SYT14: variants seen among roughly 807,000 people sequenced by gnomAD.
The protein encoded by SYT14 is synaptotagmin 14.
In SYT14, 32 loss-of-function variants were observed where a neutral mutation model predicts 74.2. That is an observed-to-expected ratio of 0.43 (90% CI 0.33 to 0.58). The LOEUF (loss-of-function observed/expected upper bound fraction) is 0.58, where lower values mean the gene tolerates loss of function less well. SYT14 is among the 20% of genes least tolerant of loss of function. SYT14 has a pLI of 0.05. For missense variants in SYT14, 791 were observed against 981.8 expected, an observed-to-expected ratio of 0.81 and a Z score of 2.60; for synonymous variants, 298 against 337.7, an observed-to-expected ratio of 0.88 and a Z score of 1.29.
At chr1:210,112,284 G>A (rs1572324326) in intron 7 of SYT14, among the ~76,000 whole-genome samples, 1 of 151,182 alleles carries the variant, frequency 6.6e-6, no homozygotes, top group African/African-American at 2.5e-5. Flanking sequence ...AAGGGAGGGG[G>A]CCTGAACAAT....
intron 5 of SYT14, among the ~76,000 whole-genome samples, chr1:210,079,499 C>G (rs2081579765): frequency 6.6e-6 from 1 of 152,108 alleles, no homozygotes; most frequent in South Asian, 2.1e-4. Context: ...TTTTTGCCAT[C>G]ACTCCAAAAA....
chr1:210,037,060 C>A (rs2103012170), intron 5 of SYT14, among the ~76,000 whole-genome samples: 1 of 151,864 alleles, frequency 6.6e-6, no homozygotes, highest in Admixed American at 6.6e-5. Flanking sequence ...TGGTCCTGGG[C>A]TTTTTTGTTG....
At chr1:210,100,535 T>A in intron 7 of SYT14, 74 bp downstream of exon 6, 1 of 1,453,344 alleles carries the variant, frequency 6.9e-7, no homozygotes, top group Non-Finnish European at 9.6e-7. Flanking sequence ...TAAAAATCTT[T>A]AATCAAGCCA....
At chr1:210,063,208 A>G (rs930592193) in intron 5 of SYT14, among the ~76,000 whole-genome samples, 1 of 150,990 alleles carries the variant, frequency 6.6e-6, no homozygotes, top group African/African-American at 2.4e-5. Context: ...CATCTTTTTT[A>G]CCTGTAAATC....
exon 10 of SYT14, chr1:210,161,690 A>T (rs1309073812): frequency 2.2e-6 from 1 of 453,638 alleles, no homozygotes; most frequent in Non-Finnish European, 4.4e-6. Flanking sequence ...TTATTTTTTT[A>T]AAAGTTCATT....
exon 6 of SYT14, chr1:210,094,569 C>T: frequency 6.8e-6 from 11 of 1,613,920 alleles, no homozygotes; most frequent in Non-Finnish European, 9.3e-6. Context: ...TTCCAAGTGA[C>T]AGCACTGCAG....
At chr1:210,095,230 G>A (rs1480572240) in intron 6 of SYT14, among the ~76,000 whole-genome samples, 1 of 152,140 alleles carries the variant, frequency 6.6e-6, no homozygotes, top group Admixed American at 6.6e-5. Flanking sequence ...ACTATATAAA[G>A]ACAATCTAGA....
chr1:210,044,041 A>G (rs913174896), intron 5 of SYT14, among the ~76,000 whole-genome samples: 1 of 152,148 alleles, frequency 6.6e-6, no homozygotes, highest in Admixed American at 6.5e-5. Context: ...TTTAGGAACT[A>G]TCTTTTAATT....
intron 2 of SYT14, among the ~76,000 whole-genome samples, chr1:210,000,226 A>C (rs1214155641): frequency 1.3e-5 from 2 of 152,146 alleles, no homozygotes; most frequent in East Asian, 3.8e-4. Flanking sequence ...ATTAGTCCAG[A>C]CAATTGAATC....
At chr1:210,009,811 T>G (rs888768724) in intron 2 of SYT14, among the ~76,000 whole-genome samples, 5 of 152,184 alleles carry the variant, frequency 3.3e-5, no homozygotes, top group African/African-American at 1.2e-4. Context: ...TACTTTCCTC[T>G]TTCCTCCCAT....
chr1:210,091,920 G>A (rs1315848929), intron 5 of SYT14, among the ~76,000 whole-genome samples: 3 of 152,126 alleles, frequency 2.0e-5, no homozygotes, highest in Non-Finnish European at 4.4e-5. Flanking sequence ...AAGACTTCTA[G>A]GAAAGATCAC....
At chr1:209,991,853 A>T (rs543577451) in intron 2 of SYT14, among the ~76,000 whole-genome samples, 57 of 152,142 alleles carry the variant, frequency 3.7e-4, no homozygotes, top group African/African-American at 9.4e-4. Flanking sequence ...AAAAAGTCAA[A>T]TAACAGATAT....
chr1:210,159,751 T>G (rs2083336491), intron 9 of SYT14, among the ~76,000 whole-genome samples: 1 of 152,190 alleles, frequency 6.6e-6, no homozygotes, highest in Admixed American at 6.5e-5. Flanking sequence ...AATAGATATT[T>G]CCTGATAAAT....
chr1:210,055,399 G>A (rs1397366458), intron 5 of SYT14, among the ~76,000 whole-genome samples: 2 of 152,124 alleles, frequency 1.3e-5, no homozygotes, highest in African/African-American at 4.8e-5. Flanking sequence ...TTGATAATTT[G>A]TTGAAAAAAG....
chr1:210,168,767 G>A (rs997858884), exon 10 of SYT14: 1 of 152,134 alleles, frequency 6.6e-6, no homozygotes. Context: ...CCTTCTGACG[G>A]TTTAATTTTC....
chr1:209,969,800 A>G (rs1336459527), intron 2 of SYT14, among the ~76,000 whole-genome samples: 2 of 151,704 alleles, frequency 1.3e-5, no homozygotes, highest in South Asian at 2.1e-4. Context: ...TCTGATTTTC[A>G]TTTCTCTGAT....
At chr1:210,006,751 T>C (rs1322149282) in intron 2 of SYT14, among the ~76,000 whole-genome samples, 4 of 151,926 alleles carry the variant, frequency 2.6e-5, no homozygotes, top group Non-Finnish European at 5.9e-5. Flanking sequence ...AATAGAATAG[T>C]CTTACAAAAT....
intron 1 of SYT14, among the ~76,000 whole-genome samples, chr1:209,945,989 T>C (rs2078816948): frequency 6.6e-6 from 1 of 152,220 alleles, no homozygotes; most frequent in Non-Finnish European, 1.5e-5. Flanking sequence ...TTTGAAACTT[T>C]TTCATTATTG....
intron 5 of SYT14, among the ~76,000 whole-genome samples, chr1:210,045,127 A>G (rs1186054448): frequency 6.6e-6 from 1 of 152,220 alleles, no homozygotes; most frequent in Non-Finnish European, 1.5e-5. Flanking sequence ...CCAGGTATTT[A>G]GACTTGAATA....
Sources: gnomAD v4.1 joint callset for allele counts (sites outside exome capture counted in the v4.1 genomes callset) on GRCh38, gnomAD v4.1.1 for gene constraint, MANE v1.5 for transcripts, NCBI Gene and HGNC (gene_info 2026-07-23, HGNC 2026-07-21) for gene names.